Variants in CLASP1 observed in about 807,000 individuals in gnomAD.
CLASP1 encodes CLIP-associating protein 1.
In CLASP1, 38 loss-of-function variants were observed where a neutral mutation model predicts 192.3. That is an observed-to-expected ratio of 0.20 (90% CI 0.15 to 0.26). The LOEUF is 0.26. CLASP1 is among the 10% of genes least tolerant of loss of function. The pLI is 1.00. For missense variants in CLASP1, 1,433 were observed against 1,932.5 expected (o/e 0.74, Z 4.85); for synonymous variants, 691 against 712.8 (o/e 0.97, Z 0.49).
chr2:121,562,102 C>A (rs143895549), intron 2 of CLASP1, among the ~76,000 whole-genome samples: 1 of 152,184 alleles, frequency 6.6e-6, no homozygotes, highest in Non-Finnish European at 1.5e-5. Flanking sequence ...CAACATAAAA[C>A]GGATTTCTCA....
chr2:121,630,967 G>A (rs2069462260), intron 1 of CLASP1, among the ~76,000 whole-genome samples: 1 of 151,396 alleles, frequency 6.6e-6, no homozygotes, highest in Non-Finnish European at 1.5e-5. Context: ...AGACCATCCT[G>A]GCTAACATGG....
At chr2:121,441,202 A>G (rs75343405) in intron 19 of CLASP1, among the ~76,000 whole-genome samples, 3,187 of 152,254 alleles carry the variant, frequency 0.021, 114 homozygotes, top group African/African-American at 0.072. Flanking sequence ...ACGTGTTTCA[A>G]ATTTTCTAGC....
intron 7 of CLASP1, among the ~76,000 whole-genome samples, chr2:121,513,846 T>C (rs1397089556): frequency 6.6e-6 from 1 of 152,062 alleles, no homozygotes; most frequent in Non-Finnish European, 1.5e-5. Flanking sequence ...GTGCCCTGGG[T>C]TTTTCCTGGG....
intron 14 of CLASP1, among the ~76,000 whole-genome samples, chr2:121,454,705 G>C (rs74555636): frequency 7.2e-5 from 11 of 152,170 alleles, no homozygotes; most frequent in African/African-American, 2.4e-4. Flanking sequence ...TGTAATGGCA[G>C]CCCAAGATGA....
chr2:121,353,989 C>T (rs781265645), intron 37 of CLASP1, among the ~76,000 whole-genome samples: 5 of 152,098 alleles, frequency 3.3e-5, no homozygotes, highest in African/African-American at 4.8e-5. Context: ...GATGGGGTCT[C>T]GCTATGTTAC....
At chr2:121,465,777 A>C (rs951559392) in intron 9 of CLASP1, among the ~76,000 whole-genome samples, 23 of 152,256 alleles carry the variant, frequency 1.5e-4, no homozygotes, top group Non-Finnish European at 3.2e-4. Flanking sequence ...ACTATACTAC[A>C]GGGCTACAGT....
chr2:121,430,861 A>G (rs1177642125), intron 19 of CLASP1, among the ~76,000 whole-genome samples: 1 of 152,184 alleles, frequency 6.6e-6, no homozygotes, highest in Non-Finnish European at 1.5e-5. Context: ...CCAATGCTGT[A>G]GGCAGTTATG....
intron 2 of CLASP1, 38 bp from the exon 3 acceptor site, chr2:121,530,363 C>G: frequency 1.3e-6 from 2 of 1,510,770 alleles, no homozygotes; most frequent in Non-Finnish European, 1.8e-6. Context: ...TAGCAGCCGG[C>G]CTGCGGGGCA....
Position 121,449,699 on chromosome 2 carries a change from T to C in CLASP1, c.1524-579A>G, listed in dbSNP as rs558203394. Among the ~76,000 whole-genome samples, 11 of 152,304 alleles carry C rather than the reference T, an allele frequency of 7.2e-5. No individual in the cohort carries two copies. The South Asian group carries it at 2.3e-3, about 32-fold the overall frequency. On this transcript the variant is annotated intron_variant, in intron 16 of 39. Transcript: ENST00000263710. ...CCTAATAGTTTTTAGCAACGATTAA[T>C]TATATCACTTATTTTGGTAGAAACT...
intron 37 of CLASP1, among the ~76,000 whole-genome samples, chr2:121,356,826 C>T (rs950796727): frequency 6.6e-6 from 1 of 152,122 alleles, no homozygotes; most frequent in Non-Finnish European, 1.5e-5. Context: ...TGGTCAGGTT[C>T]TTAGGTGGGA....
chr2:121,439,535 C>T (rs2082899730), intron 19 of CLASP1, among the ~76,000 whole-genome samples: 1 of 151,938 alleles, frequency 6.6e-6, no homozygotes, highest in Admixed American at 6.6e-5. Context: ...TCTTTGTTCT[C>T]GTTGGTTTCA....
intron 19 of CLASP1, among the ~76,000 whole-genome samples, chr2:121,431,601 T>C (rs2081410836): frequency 6.6e-6 from 1 of 152,212 alleles, no homozygotes; most frequent in South Asian, 2.1e-4. Flanking sequence ...TTATAAAATA[T>C]TTAGGTCACA....
At chr2:121,540,718 C>T (rs1279629575) in intron 2 of CLASP1, among the ~76,000 whole-genome samples, 1 of 150,942 alleles carries the variant, frequency 6.6e-6, no homozygotes, top group Non-Finnish European at 1.5e-5. Context: ...ACCCGGGAGA[C>T]AGAGACTGCA....
At chr2:121,559,876 A>C (rs1300100357) in intron 2 of CLASP1, among the ~76,000 whole-genome samples, 6 of 151,830 alleles carry the variant, frequency 4.0e-5, no homozygotes, top group African/African-American at 1.5e-4. Flanking sequence ...GTACCTTAAT[A>C]ATTATCATCA....
chr2:121,396,108 C>T (rs1397266124), intron 30 of CLASP1, among the ~76,000 whole-genome samples: 1 of 152,114 alleles, frequency 6.6e-6, no homozygotes, highest in African/African-American at 2.4e-5. Flanking sequence ...GCTCAGAAAT[C>T]TATGTTGATT....
At chr2:121,391,767 G>A (rs182666886) in intron 30 of CLASP1, among the ~76,000 whole-genome samples, 178 of 152,272 alleles carry the variant, frequency 1.2e-3, no homozygotes, top group African/African-American at 3.8e-3. Flanking sequence ...AGCTGGGTGT[G>A]GTGGCATGTG....
chr2:121,530,549 TA>T, intron 2 of CLASP1: 2 of 550,476 alleles, frequency 3.6e-6, no homozygotes, highest in South Asian at 2.5e-5. Flanking sequence ...AGAAACGAAA[TA>T]AAAGGCAATA....
Position 121,489,412 on chromosome 2 carries a change from T to A in CLASP1, c.712+13755A>T, listed in dbSNP as rs867129223. Among the ~76,000 whole-genome samples, 7 of 152,358 alleles carry A rather than the reference T, an allele frequency of 4.6e-5. No homozygotes were observed. The East Asian group carries it at 1.2e-3, about 25-fold the overall frequency. On this transcript the variant is annotated intron_variant, in intron 8 of 39. Transcript: ENST00000263710. ...ATAAACACTGAGCAGAAGTCCTGGA[T>A]GTGTGCCCAATTCCCCACAGCAGGA...
At position 121,350,045 on chromosome 2, in the gene CLASP1, A is replaced by C. The variant is rs116528726; in HGVS notation, c.4207-1327T>G. On this transcript the variant is annotated intron_variant, in intron 37 of 39. Coordinates refer to ENST00000263710, the Ensembl canonical transcript of CLASP1. The stretch of plus-strand genomic sequence containing the variant: ...AATGGCACAGAGTACACATTATATA[A>C]ATGACAGATAAAGACAGGCACCAGG... Among the ~76,000 whole-genome samples the C allele has an allele frequency of 4.2e-3, 638 of 152,336 alleles. 3 individuals carry two copies. The highest frequency in any genetic ancestry group is 0.015 in the African/African-American group (618 of 41,564).
Sources: allele counts gnomAD v4.1 joint callset (sites outside exome capture counted in the v4.1 genomes callset), GRCh38; gene constraint gnomAD v4.1.1; transcripts MANE v1.5; gene names NCBI Gene and HGNC (gene_info 2026-07-23, HGNC 2026-07-21).